POU2F2: variants seen among roughly 807,000 people sequenced by gnomAD.
POU2F2 encodes POU class 2 homeobox 2, also known as POU domain, class 2, transcription factor 2.
In POU2F2, 14 loss-of-function variants were observed where a neutral mutation model predicts 63.5. The ratio of observed to expected loss-of-function variants is 0.22; its 90% CI spans 0.15 to 0.34. The LOEUF is 0.34. Ranked by LOEUF, POU2F2 falls within the 10% of genes least tolerant of loss-of-function variation. The probability of loss-of-function intolerance (pLI) is 1.00; values close to 1 mark genes in which losing one functional copy is unlikely to be tolerated. For synonymous variants in POU2F2, 306 were observed against 348.6 expected, an observed-to-expected ratio of 0.88 and a Z score of 1.36; for missense variants, 607 against 815.2, an observed-to-expected ratio of 0.74 and a Z score of 3.11.
chr19:42,177,043 G>A (rs2034898161), upstream of POU2F2: 2 of 151,880 alleles, frequency 1.3e-5, no homozygotes, highest in African/African-American at 4.8e-5. Context: ...GGGGCTGCGA[G>A]GGGAGAGGGA....
At chr19:42,150,946 G>T (rs1025967119) in intron 2 of POU2F2, among the ~76,000 whole-genome samples, 164 of 152,232 alleles carry the variant, frequency 1.1e-3, no homozygotes, top group African/African-American at 3.9e-3. Flanking sequence ...CTCTGTGGAT[G>T]CCCATCTCCC....
intron 14 of POU2F2, 70 bp downstream of exon 14, chr19:42,091,796 AG>A (rs766382784): frequency 1.3e-6 from 2 of 1,544,630 alleles, no homozygotes; most frequent in Non-Finnish European, 1.7e-6. Context: ...TGGCTGGAGC[AG>A]CAATGGCAGG....
chr19:42,129,583 C>T (rs541159417), intron 1 of POU2F2, among the ~76,000 whole-genome samples: 2 of 152,362 alleles, frequency 1.3e-5, no homozygotes, highest in Admixed American at 6.5e-5. Flanking sequence ...CCCCTCACCC[C>T]TCCTGGCCCC....
intron 11 of POU2F2, 93 bp from the exon 12 acceptor site, chr19:42,093,988 G>C (rs1193933280): frequency 1.9e-6 from 2 of 1,027,936 alleles, no homozygotes; most frequent in Admixed American, 2.1e-5. Context: ...GTCCCAGGAT[G>C]GGGGCAGGGG....
At position 42,169,260 on chromosome 19, in the gene POU2F2, C is replaced by T. The variant is rs897421780; in HGVS notation, c.-70+6703G>A. ...TCTGAATGTGGCCTGTGTGCACCCA[C>T]AGGCATATAGGCTGGGATGCTGCCA... is the stretch of plus-strand genomic sequence containing the variant. On this transcript the variant is annotated intron_variant, in intron 1 of 6. Transcript: ENST00000524801. The surrounding 1 kb of genome is among the most constrained non-coding windows in gnomAD (Gnocchi z 4.3). Among the ~76,000 whole-genome samples, 3 of 152,248 alleles carry T rather than the reference C, an allele frequency of 2.0e-5. No homozygotes were observed. Among genetic ancestry groups the T allele is most frequent in the Non-Finnish European group, 2.9e-5 (2 of 68,042 alleles).
At chr19:42,191,866 C>T (rs549105868) in intron 1 of POU2F2, among the ~76,000 whole-genome samples, 3 of 152,060 alleles carry the variant, frequency 2.0e-5, no homozygotes, top group African/African-American at 2.4e-5. Flanking sequence ...GTTAGAATTC[C>T]GACTCTGCCA....
intron 1 of POU2F2, among the ~76,000 whole-genome samples, chr19:42,184,992 C>T (rs1038900681): frequency 1.6e-4 from 24 of 152,162 alleles, no homozygotes; most frequent in Non-Finnish European, 2.8e-4. Context: ...TTCCCACTCC[C>T]CATGGTGATA....
At chr19:42,100,449 T>C (rs542646546) in intron 5 of POU2F2, among the ~76,000 whole-genome samples, 1 of 152,088 alleles carries the variant, frequency 6.6e-6, no homozygotes, top group Admixed American at 6.5e-5. Context: ...ACAAATAGAA[T>C]CATTTAAAAA....
chr19:42,132,197 G>A (rs2033806302), intron 1 of POU2F2, among the ~76,000 whole-genome samples, 187 bp downstream of exon 1: 1 of 152,208 alleles, frequency 6.6e-6, no homozygotes, highest in South Asian at 2.1e-4. Flanking sequence ...TGCCTGATGT[G>A]GAAAGAGAGG....
intron 1 of POU2F2, among the ~76,000 whole-genome samples, chr19:42,128,104 TCCA>T (rs969611454): frequency 1.3e-5 from 2 of 152,050 alleles, no homozygotes; most frequent in Admixed American, 6.6e-5. Flanking sequence ...TGTACTGTGC[TCCA>T]CCACATCCTG....
At chr19:42,157,262 C>T (rs1243878731) in intron 2 of POU2F2, 1 of 152,438 alleles carries the variant, frequency 6.6e-6, no homozygotes, top group Non-Finnish European at 1.5e-5. Context: ...CCTTACCTTT[C>T]AGGAGTTCTC....
intron 1 of POU2F2, among the ~76,000 whole-genome samples, chr19:42,190,361 A>T (rs1277810099): frequency 6.6e-6 from 1 of 152,136 alleles, no homozygotes; most frequent in Non-Finnish European, 1.5e-5. Flanking sequence ...ATCATGGTCC[A>T]TTTGCCTCAA....
At chr19:42,120,510 G>T (rs1685562) in intron 4 of POU2F2, among the ~76,000 whole-genome samples, 16,343 of 152,134 alleles carry the variant, frequency 0.11, 2,816 homozygotes, top group African/African-American at 0.37. Context: ...ATGAGCCACC[G>T]CGCCCAGCCC....
chr19:42,105,122 G>T (rs1283449112), intron 5 of POU2F2, among the ~76,000 whole-genome samples: 1 of 151,956 alleles, frequency 6.6e-6, no homozygotes, highest in Admixed American at 6.6e-5. Flanking sequence ...ATGCTTCAGG[G>T]CCCCCCATTT....
intron 1 of POU2F2, among the ~76,000 whole-genome samples, chr19:42,185,916 G>A (rs184582292): frequency 3.5e-4 from 53 of 152,206 alleles, no homozygotes; most frequent in African/African-American, 1.2e-3. Flanking sequence ...TTGAGATGCC[G>A]TTTCACTCTG....
At chr19:42,137,313 T>G (rs1047740294), upstream of POU2F2, among the ~76,000 whole-genome samples, 1 of 151,850 alleles carries the variant, frequency 6.6e-6, no homozygotes, top group African/African-American at 2.4e-5. Flanking sequence ...CTCTCCAGCC[T>G]GAGTGACAGA....
At chr19:42,196,011 C>A (rs764974583) in intron 1 of POU2F2, among the ~76,000 whole-genome samples, 130 of 152,170 alleles carry the variant, frequency 8.5e-4, no homozygotes, top group Admixed American at 1.0e-3. Context: ...AACTCCTGAC[C>A]TCAGGTAATA....
chr19:42,197,196 G>C (rs917893384), upstream of POU2F2, among the ~76,000 whole-genome samples: 1 of 152,182 alleles, frequency 6.6e-6, no homozygotes, highest in Non-Finnish European at 1.5e-5. Context: ...CCACCTAACT[G>C]CTGTCACTAA....
chr19:42,167,551 A>G (rs1167641880), intron 1 of POU2F2, among the ~76,000 whole-genome samples: 2 of 152,250 alleles, frequency 1.3e-5, no homozygotes, highest in African/African-American at 4.8e-5. Flanking sequence ...CAAAGGAAAC[A>G]GCAAGTGCAA....
Sources: allele counts gnomAD v4.1 joint callset (sites outside exome capture counted in the v4.1 genomes callset), GRCh38; gene constraint gnomAD v4.1.1; non-coding constraint Gnocchi (gnomAD v3.1); transcripts MANE v1.5; gene names NCBI Gene and HGNC (gene_info 2026-07-23, HGNC 2026-07-21).